Variants in CCDC33 observed in about 807,000 individuals in gnomAD.
The protein encoded by CCDC33 is coiled-coil domain containing 33, also known as coiled-coil domain-containing protein 33.
In CCDC33, 94 loss-of-function variants were observed where a neutral mutation model predicts 91.9. The observed-to-expected ratio is 1.02, with a 90% CI of 0.87 to 1.21. CCDC33 has a LOEUF of 1.21. Among genes scored for constraint, CCDC33 ranks in the 50% most tolerant of loss-of-function variants. The pLI is 0.00. For missense variants in CCDC33, 940 were observed against 935.5 expected (o/e 1.00, Z -0.06); for synonymous variants, 396 against 374.5 (o/e 1.06, Z -0.66).
At chr15:74,226,198 A>G (rs1408954969) in intron 2 of CCDC33, among the ~76,000 whole-genome samples, 2 of 152,284 alleles carry the variant, frequency 1.3e-5, no homozygotes, top group East Asian at 3.9e-4. Flanking sequence ...CCGATTGTGG[A>G]GGAAGTGGTG....
chr15:74,310,552 A>G (rs1387256944), intron 11 of CCDC33, among the ~76,000 whole-genome samples: 1 of 151,166 alleles, frequency 6.6e-6, no homozygotes, highest in Non-Finnish European at 1.5e-5. Flanking sequence ...AAAAAAAAAA[A>G]AGAAATTTGA....
chr15:74,280,695 A>G lies in CCDC33; in HGVS notation c.917A>G (p.Asn306Ser). The G allele has an allele frequency of 6.5e-7, 1 of 1,528,662 alleles. No homozygotes were observed. Among genetic ancestry groups the G allele is most frequent in the East Asian group, 2.5e-5 (1 of 39,612 alleles). 94.7% of individuals were successfully genotyped at this position (1,528,662 alleles called of 1,614,324 possible). The change falls in exon 9 of 19, where the codon AAC becomes AGC. Residue 306 changes from asparagine (N) to serine (S), a missense_variant. Transcript: ENST00000398814. ...AAAGGCAGCCAGCCGTGGACCCTCA[A>G]CCAGCCCCTGGGCATCTCTGTGTTG... ...SMKGSQPWTL[N>S]QPLGISVLPL...
chr15:74,215,349 T>C (rs928646823), upstream of CCDC33, among the ~76,000 whole-genome samples: 1 of 152,038 alleles, frequency 6.6e-6, no homozygotes, highest in Non-Finnish European at 1.5e-5. Flanking sequence ...AGACGGAAAG[T>C]AGAATGGTGG....
At chr15:74,230,593 C>T (rs1251119938) in intron 2 of CCDC33, among the ~76,000 whole-genome samples, 1 of 152,226 alleles carries the variant, frequency 6.6e-6, no homozygotes. Context: ...AACGTGCCTG[C>T]TAAGCAAATG....
chr15:74,247,320 G>C (rs2075563787), intron 2 of CCDC33, among the ~76,000 whole-genome samples: 1 of 151,616 alleles, frequency 6.6e-6, no homozygotes, highest in African/African-American at 2.4e-5. Context: ...ATCAACCTAA[G>C]TGTTTGTTGA....
At chr15:74,277,470 T>G (rs2076478690) in intron 7 of CCDC33, among the ~76,000 whole-genome samples, 1 of 152,234 alleles carries the variant, frequency 6.6e-6, no homozygotes, top group Non-Finnish European at 1.5e-5. Context: ...CCTCCATGGC[T>G]GGGGGTTAAT....
chr15:74,274,337 G>A (rs2076397474), intron 7 of CCDC33, among the ~76,000 whole-genome samples: 2 of 152,080 alleles, frequency 1.3e-5, no homozygotes, highest in East Asian at 1.9e-4. Context: ...CATGATCTGC[G>A]CTTCACTGCC....
At chr15:74,327,588 T>C (rs2060335404) in intron 11 of CCDC33, among the ~76,000 whole-genome samples, 1 of 152,180 alleles carries the variant, frequency 6.6e-6, no homozygotes. Context: ...AGAGCCAAGA[T>C]TGTGCCACTG....
At chr15:74,217,309 C>T (rs748179031) in exon 1 of CCDC33, 2 of 1,287,462 alleles carry the variant, frequency 1.6e-6, no homozygotes, top group Middle Eastern at 2.1e-4. Flanking sequence ...GTCTCTGCAT[C>T]CCTGCTGAGA....
chr15:74,280,190 A>T, intron 8 of CCDC33, 98 bp downstream of exon 8: 1 of 1,444,900 alleles, frequency 6.9e-7, no homozygotes, highest in Non-Finnish European at 9.5e-7. Flanking sequence ...TCCCACAGGG[A>T]TGGATGGTTC....
chr15:74,327,105 C>T (rs1401732002), intron 11 of CCDC33, among the ~76,000 whole-genome samples: 1 of 152,016 alleles, frequency 6.6e-6, no homozygotes, highest in Admixed American at 6.6e-5. Context: ...AAGCCAGGGC[C>T]GAGATCCCTC....
chr15:74,329,376 A>G (rs1444230629), intron 11 of CCDC33, among the ~76,000 whole-genome samples: 1 of 152,108 alleles, frequency 6.6e-6, no homozygotes, highest in Non-Finnish European at 1.5e-5. Flanking sequence ...CTCTATCACT[A>G]ATCAGTCTTG....
chr15:74,310,642 G>A (rs1328670682), intron 11 of CCDC33, among the ~76,000 whole-genome samples: 1 of 152,220 alleles, frequency 6.6e-6, no homozygotes, highest in East Asian at 1.9e-4. Flanking sequence ...CCCGCCAGCA[G>A]CGAGAGTGCT....
At position 74,244,741 on chromosome 15, in the gene CCDC33, C is replaced by T. The variant is rs1266815365; in HGVS notation, c.185+593C>T. On this transcript the variant is annotated intron_variant, in intron 2 of 18. Coordinates refer to ENST00000398814, the MANE Select transcript of CCDC33 (RefSeq NM_025055.5). This position sits in a 1 kb window ranked among gnomAD's most constrained non-coding sequence, Gnocchi z 4.2. ...CCACGTCTATGCCCACCTCACGGGT[C>T]TCACTTCTTCCAGAAAGGCGCCAAG... Among the ~76,000 whole-genome samples the T allele has an allele frequency of 1.3e-5, 2 of 152,234 alleles. No homozygotes were observed. The highest frequency in any genetic ancestry group is 2.9e-5 in the Non-Finnish European group (2 of 68,036).
At position 74,328,147 on chromosome 15, in the gene CCDC33, C is replaced by T. The variant is rs540690971; in HGVS notation, c.1291-2042C>T. On this transcript the variant is annotated intron_variant, in intron 11 of 18. Transcript: ENST00000398814. ...GGCCAAATTTCCTTTGCCAAAATAT[C>T]GTGTGCTTCCTTTGGTCAGTCCCCC... Among the ~76,000 whole-genome samples the T allele has an allele frequency of 2.0e-5, 3 of 152,282 alleles. No homozygotes were observed. In the South Asian group the frequency reaches 6.2e-4, roughly 32 times the overall value.
intron 2 of CCDC33, among the ~76,000 whole-genome samples, chr15:74,257,053 G>A (rs753559138): frequency 3.9e-5 from 6 of 152,202 alleles, no homozygotes; most frequent in Non-Finnish European, 7.3e-5. Flanking sequence ...GGAAGAGCTG[G>A]GCCCTCAGGG....
intron 11 of CCDC33, among the ~76,000 whole-genome samples, chr15:74,318,249 G>A (rs150390309): frequency 4.1e-4 from 62 of 152,218 alleles, no homozygotes; most frequent in Non-Finnish European, 6.5e-4. Context: ...GGAGAAGAGC[G>A]GAGGGAGTTG....
At chr15:74,300,182 C>T (rs1368741426) in intron 11 of CCDC33, 1 of 152,262 alleles carries the variant, frequency 6.6e-6, no homozygotes, top group Non-Finnish European at 1.5e-5. Context: ...AATGGATGAA[C>T]TCAAGCGACC....
intron 11 of CCDC33, among the ~76,000 whole-genome samples, chr15:74,328,310 G>C (rs2060352106): frequency 6.6e-6 from 1 of 152,204 alleles, no homozygotes; most frequent in Non-Finnish European, 1.5e-5. Context: ...AATGGGTGTG[G>C]AGGAGAGCAG....
Sources: allele counts gnomAD v4.1 joint callset (sites outside exome capture counted in the v4.1 genomes callset), GRCh38; gene constraint gnomAD v4.1.1; non-coding constraint Gnocchi (gnomAD v3.1); transcripts MANE v1.5; gene names NCBI Gene and HGNC (gene_info 2026-07-23, HGNC 2026-07-21).